EBF4: variants seen among roughly 807,000 people sequenced by gnomAD.
EBF4 encodes the protein transcription factor COE4.
In EBF4, 34 loss-of-function variants were observed where a neutral mutation model predicts 67.1. The ratio of observed to expected loss-of-function variants is 0.51; its 90% confidence interval spans 0.39 to 0.67. EBF4 has a LOEUF of 0.67. EBF4 is among the 30% of genes least tolerant of loss of function. The pLI, the probability that EBF4 is intolerant of heterozygous loss-of-function variation, is 0.00. For missense variants in EBF4, 837 were observed against 873.3 expected, an observed-to-expected ratio of 0.96 and a Z score of 0.52; for synonymous variants, 387 against 377.7, an observed-to-expected ratio of 1.02 and a Z score of -0.29.
chr20:2,705,977 C>T, exon 3 of EBF4: 1 of 1,551,334 alleles, frequency 6.4e-7, no homozygotes, highest in South Asian at 1.2e-5. Context: ...CCTGCAGGAG[C>T]CCGGGGCGGA....
In EBF4 at chr20:2,756,269, G is replaced by A. The variant is rs760800658; in HGVS notation, c.1738+445G>A. On this transcript the variant is annotated intron_variant, in intron 15 of 16. Coordinates refer to ENST00000609451, the Ensembl canonical transcript of EBF4. This position sits in a 1 kb window ranked among gnomAD's most constrained non-coding sequence, Gnocchi z 4.5. ...CCATGGAAGGGGACTGACCTTAGAA[G>A]AGGCTTAGCCCAGCTTCCCTCCCCG... Among the ~76,000 whole-genome samples the A allele has an allele frequency of 1.2e-4, 18 of 152,238 alleles. No individual in the cohort carries two copies. The highest frequency in any genetic ancestry group is 1.9e-4 in the Non-Finnish European group (13 of 68,034).
exon 14 of EBF4, chr20:2,752,527 G>A (rs930440349): frequency 3.2e-6 from 4 of 1,250,314 alleles, no homozygotes; most frequent in South Asian, 3.3e-5. Flanking sequence ...TGGCTCCACC[G>A]CCACCTCGCC....
intron 6 of EBF4, among the ~76,000 whole-genome samples, chr20:2,735,237 A>AACTGACTGGGAAT (rs1467800323): frequency 6.6e-6 from 1 of 152,202 alleles, no homozygotes; most frequent in Non-Finnish European, 1.5e-5. Context: ...AAAGAGTGAA[A>AACTGACTGGGAAT]ACTGACTGGG....
At chr20:2,759,464 T>C (rs2088293711), downstream of EBF4, 2 of 212,750 alleles carry the variant, frequency 9.4e-6, no homozygotes, top group Non-Finnish European at 1.9e-5. Flanking sequence ...CCTCCCTGTC[T>C]TGGGGTAGTC....
chr20:2,750,260 C>T (rs1241839409), intron 10 of EBF4, among the ~76,000 whole-genome samples: 2 of 152,168 alleles, frequency 1.3e-5, no homozygotes, highest in African/African-American at 2.4e-5. Flanking sequence ...AGCCATCTCA[C>T]CTCCTGAACA....
chr20:2,758,892 T>C lies in EBF4; in HGVS notation c.1739-17T>C, dbSNP rs1389579328. The C allele has an allele frequency of 6.4e-7, 1 of 1,551,434 alleles. No individual in the cohort carries two copies. The highest frequency in any genetic ancestry group is 8.7e-7 in the Non-Finnish European group (1 of 1,146,848). ...GTGGCACATGGCTTATGGCTCCTTT[T>C]TCCTTGACTACTGCAGACCAGTCTT... On this transcript the variant is annotated splice_polypyrimidine_tract_variant and intron_variant, in intron 15 of 16. Transcript: ENST00000609451.
At chr20:2,743,416 G>T (rs1461132516) in intron 6 of EBF4, among the ~76,000 whole-genome samples, 1 of 152,226 alleles carries the variant, frequency 6.6e-6, no homozygotes, top group East Asian at 1.9e-4. Context: ...GGAGCCTTTA[G>T]GGGCGGGTCA....
chr20:2,726,480 G>A (rs1404398463), intron 6 of EBF4, among the ~76,000 whole-genome samples: 1 of 151,936 alleles, frequency 6.6e-6, no homozygotes, highest in Non-Finnish European at 1.5e-5. Flanking sequence ...TTCTCAAGAG[G>A]CTGAGTTGGA....
intron 6 of EBF4, among the ~76,000 whole-genome samples, chr20:2,731,321 C>T (rs747432563): frequency 6.6e-6 from 1 of 152,190 alleles, no homozygotes; most frequent in South Asian, 2.1e-4. Context: ...TCCAGGGTGG[C>T]TCTTCTCCAT....
At chr20:2,733,193 G>A (rs1340018050) in intron 6 of EBF4, among the ~76,000 whole-genome samples, 2 of 152,136 alleles carry the variant, frequency 1.3e-5, no homozygotes, top group Non-Finnish European at 2.9e-5. Flanking sequence ...TTTTTTGGTC[G>A]ATAGTTGTTT....
At chr20:2,719,599 C>G (rs1301816645) in intron 6 of EBF4, among the ~76,000 whole-genome samples, 4 of 151,936 alleles carry the variant, frequency 2.6e-5, no homozygotes, top group Non-Finnish European at 5.9e-5. Context: ...GAGACGAGGT[C>G]TCACCATGTT....
intron 1 of EBF4, among the ~76,000 whole-genome samples, chr20:2,697,644 C>T (rs1013142310): frequency 3.3e-5 from 5 of 152,072 alleles, no homozygotes; most frequent in Non-Finnish European, 7.4e-5. Context: ...GTGGAGAGGG[C>T]TGCCCTCTCC....
At chr20:2,718,098 C>G (rs990386573) in intron 6 of EBF4, among the ~76,000 whole-genome samples, 1 of 152,136 alleles carries the variant, frequency 6.6e-6, no homozygotes, top group Non-Finnish European at 1.5e-5. Flanking sequence ...CGTGAGCCAC[C>G]GCACCCGGCT....
chr20:2,754,807 G>A (rs1294322381), intron 14 of EBF4, among the ~76,000 whole-genome samples: 1 of 152,178 alleles, frequency 6.6e-6, no homozygotes, highest in Non-Finnish European at 1.5e-5. Flanking sequence ...TGCAGGAAGA[G>A]GGGGCAGGCA....
chr20:2,755,602 T>C lies in EBF4; in HGVS notation c.1541-25T>C. 8.9e-7 allele frequency: 1 copy of C among 1,117,798 alleles called. No individual in the cohort carries two copies. The highest frequency in any genetic ancestry group is 1.3e-6 in the Non-Finnish European group (1 of 756,316). 69.2% of individuals were successfully genotyped at this position (1,117,798 alleles called of 1,614,324 possible). A position where few individuals can be genotyped will look rare whatever the true frequency, so the allele number is the denominator to read the frequency against. On this transcript the variant is annotated intron_variant, in intron 14 of 16. Transcript: ENST00000609451. This position sits in a 1 kb window ranked among gnomAD's most constrained non-coding sequence, Gnocchi z 4.7. Reference sequence around the variant, plus strand: ...CTCCCACCACCTTCCCTGCTGCGCCTGCCCCTCCCCGCCCCGCCCCGGAGT... The same window carrying C: ...CTCCCACCACCTTCCCTGCTGCGCCCGCCCCTCCCCGCCCCGCCCCGGAGT...
chr20:2,744,487 C>CT lies in EBF4; in HGVS notation c.558-4058dup, dbSNP rs778840182. 6.0e-3 allele frequency among the ~76,000 whole-genome samples: 669 copies of CT among 111,338 alleles called. 44 individuals carry two copies. Among genetic ancestry groups the CT allele is most frequent in the African/African-American group, 0.022 (559 of 25,374 alleles). The allele number at this position is 111,338 out of a possible 152,430, so 73.0% of individuals were successfully genotyped here. On this transcript the variant is annotated intron_variant, in intron 6 of 16. Transcript: ENST00000609451. Reference sequence around the variant, plus strand: ...TTTTTCTTTTCTTTTTTCTTTTTTTCTTTTCTTTTTTTTTTTTTTTTTGAG... The same window carrying CT: ...TTTTTCTTTTCTTTTTTCTTTTTTTCTTTTTCTTTTTTTTTTTTTTTTTGAG...
intron 6 of EBF4, among the ~76,000 whole-genome samples, chr20:2,710,373 C>T (rs2087525694): frequency 6.6e-6 from 1 of 152,082 alleles, no homozygotes; most frequent in Non-Finnish European, 1.5e-5. Context: ...TGGTCTTGAA[C>T]TCCTGGGCTC....
downstream of EBF4, chr20:2,759,931 G>A (rs2088300936): frequency 6.6e-6 from 1 of 152,442 alleles, no homozygotes; most frequent in African/African-American, 2.4e-5. Context: ...TTCCCCCAGT[G>A]GATGTCTCAT....
intron 4 of EBF4, among the ~76,000 whole-genome samples, chr20:2,706,674 G>T (rs913537102): frequency 2.0e-5 from 3 of 152,122 alleles, no homozygotes; most frequent in South Asian, 2.1e-4. Flanking sequence ...TTTGCACCCC[G>T]TATCAATTAG....
Sources: gnomAD v4.1 joint callset for allele counts (sites outside exome capture counted in the v4.1 genomes callset) on GRCh38, gnomAD v4.1.1 for gene constraint, Gnocchi (gnomAD v3.1) non-coding constraint, MANE v1.5 for transcripts, NCBI Gene and HGNC (gene_info 2026-07-23, HGNC 2026-07-21) for gene names.